PLXDC1: variants seen among roughly 807,000 people sequenced by gnomAD.
The protein encoded by PLXDC1 is plexin domain-containing protein 1.
A neutral mutation model predicts 61.3 loss-of-function variants in PLXDC1; 39 were observed. That is an observed-to-expected ratio of 0.64 (90% CI 0.49 to 0.83). PLXDC1 has a LOEUF of 0.83. PLXDC1 is among the 40% of genes least tolerant of loss of function. The pLI is 0.00. For synonymous variants in PLXDC1, 212 were observed against 254.5 expected (o/e 0.83, Z 1.59); for missense variants, 596 against 666.5 (o/e 0.89, Z 1.17).
chr17:39,139,540 G>T, intron 2 of PLXDC1, 114 bp downstream of exon 2: 1 of 1,024,560 alleles, frequency 9.8e-7, no homozygotes, highest in East Asian at 2.6e-5. Context: ...CCTGTCCTCC[G>T]GGGCCAACCC....
chr17:39,108,370 GC>G, intron 4 of PLXDC1, 125 bp from the exon 5 acceptor site: 2 of 1,010,250 alleles, frequency 2.0e-6, no homozygotes, highest in Non-Finnish European at 1.5e-6. Context: ...GACCTCTGTC[GC>G]CCATCCCCAT....
At chr17:39,110,730 C>A (rs1241359645) in intron 2 of PLXDC1, among the ~76,000 whole-genome samples, 2 of 152,254 alleles carry the variant, frequency 1.3e-5, no homozygotes, top group African/African-American at 2.4e-5. Context: ...CCGGCCCTTG[C>A]CCTGGGCGCA....
intron 6 of PLXDC1, among the ~76,000 whole-genome samples, chr17:39,106,857 G>A (rs554197883): frequency 1.3e-5 from 2 of 151,586 alleles, no homozygotes; most frequent in South Asian, 4.2e-4. Flanking sequence ...TCATCATGTT[G>A]GCCAGGCTGG....
chr17:39,122,120 G>T (rs1345969196), intron 2 of PLXDC1, among the ~76,000 whole-genome samples: 2 of 147,606 alleles, frequency 1.4e-5, no homozygotes, highest in Admixed American at 1.4e-4. Context: ...AAGGGGGGGG[G>T]GACTGGGTGC....
intron 2 of PLXDC1, among the ~76,000 whole-genome samples, chr17:39,124,009 C>T (rs1156386399): frequency 2.0e-5 from 3 of 152,118 alleles, no homozygotes; most frequent in Non-Finnish European, 2.9e-5. Flanking sequence ...ATCCCAGTCC[C>T]TGCCCTTCGA....
At chr17:39,095,664 T>C (rs1438447868) in intron 7 of PLXDC1, among the ~76,000 whole-genome samples, 1 of 151,954 alleles carries the variant, frequency 6.6e-6, no homozygotes, top group African/African-American at 2.4e-5. Flanking sequence ...TGTTTTTGTT[T>C]TGTTTTGTTT....
At chr17:39,115,599 G>A (rs1401047522) in intron 2 of PLXDC1, among the ~76,000 whole-genome samples, 1 of 152,222 alleles carries the variant, frequency 6.6e-6, no homozygotes, top group Non-Finnish European at 1.5e-5. Context: ...TTGCACCCTG[G>A]AGGGAGGGGG....
intron 2 of PLXDC1, among the ~76,000 whole-genome samples, chr17:39,138,655 G>A (rs941674253): frequency 4.6e-5 from 7 of 151,956 alleles, no homozygotes; most frequent in South Asian, 2.1e-4. Flanking sequence ...AAAGGGAAGG[G>A]GGCAGGCCCC....
At chr17:39,085,327 G>C (rs576767241) in intron 8 of PLXDC1, among the ~76,000 whole-genome samples, 1 of 152,352 alleles carries the variant, frequency 6.6e-6, no homozygotes, top group East Asian at 1.9e-4. Flanking sequence ...AAAGAGCCAT[G>C]GGCAGGAAAG....
intron 2 of PLXDC1, among the ~76,000 whole-genome samples, chr17:39,130,575 T>G (rs1597657168): frequency 6.6e-6 from 1 of 152,174 alleles, no homozygotes; most frequent in South Asian, 2.1e-4. Context: ...TTTTACTTTA[T>G]TTTATTTTTG....
At chr17:39,107,350 T>C in intron 6 of PLXDC1, 57 bp downstream of exon 6, 1 of 1,018,914 alleles carries the variant, frequency 9.8e-7, no homozygotes, top group Non-Finnish European at 1.5e-6. Context: ...CTCTAAATAT[T>C]TGCTGAATGA....
Position 39,106,648 on chromosome 17 carries a change from CTTTCT to C in PLXDC1, c.712-700_712-696del, listed in dbSNP as rs1238197931. ...GCCTTCTTTTTTCTTTTTTCTTTTT[CTTTCT>C]TTTTTTTTTTTTTTGAGACAGATTC... On this transcript the variant is annotated intron_variant, in intron 6 of 13. Coordinates refer to ENST00000315392, the MANE Select transcript of PLXDC1 (RefSeq NM_020405.5). 5.7e-5 allele frequency among the ~76,000 whole-genome samples: 7 copies of C among 122,586 alleles called. 1 individual carries two copies. Among genetic ancestry groups the C allele is most frequent in the East Asian group, 4.4e-4 (2 of 4,562 alleles). The allele number at this position is 122,586 out of a possible 152,430, so 80.4% of individuals were successfully genotyped here.
intron 7 of PLXDC1, among the ~76,000 whole-genome samples, chr17:39,095,379 CAACCCCCCA>C (rs1284249291): frequency 1.7e-5 from 1 of 58,252 alleles, no homozygotes; most frequent in African/African-American, 5.6e-5. Context: ...CCCCCCCCCC[CAACCCCCCA>C]AGCCTGGGTT....
chr17:39,139,351 A>G (rs1911856304), intron 2 of PLXDC1, among the ~76,000 whole-genome samples: 1 of 152,170 alleles, frequency 6.6e-6, no homozygotes, highest in Non-Finnish European at 1.5e-5. Context: ...TTCTTCCCTA[A>G]GTCATGGGAG....
At chr17:39,075,656 G>A (rs1337881987) in intron 11 of PLXDC1, among the ~76,000 whole-genome samples, 1 of 152,114 alleles carries the variant, frequency 6.6e-6, no homozygotes, top group Admixed American at 6.5e-5. Context: ...GCATCCTACT[G>A]GGCATATAGT....
In PLXDC1 at chr17:39,087,628, C is replaced by T. The variant is rs369329229; in HGVS notation, c.886G>A (p.Val296Met). 90 of 1,613,624 alleles carry T rather than the reference C, an allele frequency of 5.6e-5. No homozygotes were observed. The highest frequency in any genetic ancestry group is 7.1e-5 in the Non-Finnish European group (84 of 1,179,666). ...DPSKVTSMSA[V>M]EFTPLPTCLQ... ...TCACTCGGCAATGGGGTGAACTCCA[C>T]GGCCGACATGCTGGTGACCTTGCTG... Residue 296 changes from valine (V) to methionine (M), a missense_variant, in exon 8 of 14, where the codon GTG becomes ATG. Physicochemically the swap from Val to Met is conservative, Grantham distance 21 (BLOSUM62 1). Coordinates refer to ENST00000315392, the MANE Select transcript of PLXDC1 (RefSeq NM_020405.5).
chr17:39,085,858 C>T (rs1389052678), intron 8 of PLXDC1, among the ~76,000 whole-genome samples: 1 of 152,186 alleles, frequency 6.6e-6, no homozygotes, highest in Non-Finnish European at 1.5e-5. Context: ...TCACCAGCTG[C>T]TTCCAGGTGG....
chr17:39,078,110 G>C, intron 10 of PLXDC1, 62 bp from the exon 11 acceptor site: 1 of 1,465,084 alleles, frequency 6.8e-7, no homozygotes, highest in South Asian at 1.4e-5. Flanking sequence ...CATCCTGAAA[G>C]CATCTTCTCT....
At chr17:39,120,606 GT>G (rs34244449) in intron 2 of PLXDC1, among the ~76,000 whole-genome samples, 158 of 132,736 alleles carry the variant, frequency 1.2e-3, no homozygotes, top group African/African-American at 1.5e-3. Flanking sequence ...TTTATTTTAG[GT>G]TTTTTTTTTT....
Sources: allele counts gnomAD v4.1 joint callset (sites outside exome capture counted in the v4.1 genomes callset), GRCh38; gene constraint gnomAD v4.1.1; transcripts MANE v1.5; gene names NCBI Gene and HGNC (gene_info 2026-07-23, HGNC 2026-07-21).